Variants in GJB3 observed in about 807,000 individuals in gnomAD.
GJB3 encodes the protein gap junction beta-3 protein.
Under a neutral mutation model 8.1 loss-of-function variants are expected in GJB3, and 6 were observed. The observed-to-expected ratio is 0.75, with a 90% CI of 0.41 to 1.47. The LOEUF (loss-of-function observed/expected upper bound fraction) is 1.47. Among genes scored for constraint, GJB3 ranks in the 40% most tolerant of loss-of-function variants. The probability of loss-of-function intolerance (pLI) is 0.02; values close to 1 mark genes in which losing one functional copy is unlikely to be tolerated. For synonymous variants in GJB3, 137 were observed against 156.4 expected (o/e 0.88, Z 0.93); for missense variants, 348 against 365.6 (o/e 0.95, Z 0.39).
Position 34,785,555 on chromosome 1 carries a change from C to T in GJB3, c.793C>T (p.Pro265Ser), listed in dbSNP as rs1445377383. Residue 265 changes from proline (P) to serine (S), a missense_variant, in exon 2 of 2, where the codon CCC (proline) becomes TCC (serine). Physicochemically the swap from Pro to Ser is moderately conservative, Grantham distance 74. Transcript: ENST00000373366. The surrounding 1 kb of genome is among the most constrained non-coding windows in gnomAD (Gnocchi z 4.7). ...CAATAACAAGCTGCAGGCTTCAGCA[C>T]CCAACCTGACCCCCATCTGACCACA... ...PGNNKLQASA[P>S]NLTPI The T allele has an allele frequency of 6.2e-6, 10 of 1,613,990 alleles. No individual in the cohort carries two copies. The highest frequency in any genetic ancestry group is 5.0e-5 in the Admixed American group (3 of 60,022).
At position 34,781,854 on chromosome 1, in the gene GJB3, G is replaced by T. The variant is rs891005269; in HGVS notation, c.-26+76G>T. ...CAAGCGCTCCTGGCGACCCCCTGCG[G>T]CAGGGCTGGGGCTTGAGCCTGCCAG... On this transcript the variant is annotated intron_variant, in intron 1 of 1. Transcript: ENST00000373366. This position sits in a 1 kb window ranked among gnomAD's most constrained non-coding sequence, Gnocchi z 6.2. 6.6e-6 allele frequency: 1 copy of T among 152,416 alleles called. No homozygotes were observed. The highest frequency in any genetic ancestry group is 2.1e-4 in the South Asian group (1 of 4,846). 9.4% of individuals were successfully genotyped at this position (152,416 alleles called of 1,614,324 possible).
At chr1:34,783,227 G>A (rs1450458822) in intron 1 of GJB3, among the ~76,000 whole-genome samples, 5 of 151,390 alleles carry the variant, frequency 3.3e-5, no homozygotes, top group Non-Finnish European at 5.9e-5. Flanking sequence ...CAGCCTGGGC[G>A]ACACAGCAAG....
rs1237178412 is a variant in GJB3, at chr1:34,785,592, G to A, written c.*17G>A. The A allele has an allele frequency of 6.2e-7, 1 of 1,606,648 alleles. No individual in the cohort carries two copies. The highest frequency in any genetic ancestry group is 8.5e-7 in the Non-Finnish European group (1 of 1,173,758). Reference sequence around the variant, plus strand: ...CCCATCTGACCACAGGGCAGGGGTGGGGCAACATGCGGGCTGCCAATGGGA... The same window carrying A: ...CCCATCTGACCACAGGGCAGGGGTGAGGCAACATGCGGGCTGCCAATGGGA... On this transcript the variant is annotated 3_prime_UTR_variant, in exon 2 of 2. Coordinates refer to ENST00000373366, the MANE Select transcript of GJB3 (RefSeq NM_024009.3). This position sits in a 1 kb window ranked among gnomAD's most constrained non-coding sequence, Gnocchi z 4.7.
intron 1 of GJB3, among the ~76,000 whole-genome samples, chr1:34,783,247 C>CA (rs113744247): frequency 0.023 from 3,138 of 138,574 alleles, 79 homozygotes; most frequent in East Asian, 0.13. Flanking sequence ...GGCCTTGGCT[C>CA]AAAAAAAAAA....
chr1:34,785,926 G>A lies in GJB3; in HGVS notation c.*351G>A, dbSNP rs1034596850. ...AGAGGCTTCCCTGAGGACATAATGTGTAAGAGAGGTGAGAAGTGCTCCCAA... is the reference window on the plus strand; with the variant it reads ...AGAGGCTTCCCTGAGGACATAATGTATAAGAGAGGTGAGAAGTGCTCCCAA... On this transcript the variant is annotated 3_prime_UTR_variant, in exon 2 of 2. Transcript: ENST00000373366. The surrounding 1 kb of genome is among the most constrained non-coding windows in gnomAD (Gnocchi z 4.7). The A allele has an allele frequency of 2.6e-5, 9 of 339,640 alleles. No homozygotes were observed. Among genetic ancestry groups the A allele is most frequent in the Non-Finnish European group, 5.2e-5 (9 of 172,254 alleles). 21.0% of individuals were successfully genotyped at this position (339,640 alleles called of 1,614,324 possible).
rs1475433818 is a variant in GJB3, at chr1:34,781,414, T to A, written c.-390T>A. On this transcript the variant is annotated 5_prime_UTR_variant, in exon 1 of 2. Coordinates refer to ENST00000373366, the MANE Select transcript of GJB3 (RefSeq NM_024009.3). This position sits in a 1 kb window ranked among gnomAD's most constrained non-coding sequence, Gnocchi z 6.2. The stretch of plus-strand genomic sequence containing the variant: ...AGCGGGCACGGTACTCGCGGCAAAC[T>A]AGCGTGGGCGAGTCCTGATTGCAGT... 6.6e-6 allele frequency: 1 copy of A among 152,172 alleles called. No individual in the cohort carries two copies. The highest frequency in any genetic ancestry group is 1.9e-4 in the East Asian group (1 of 5,174). 9.4% of individuals were successfully genotyped at this position (152,172 alleles called of 1,614,324 possible).
At chr1:34,782,270 G>A (rs1640023158) in intron 1 of GJB3, 1 of 152,168 alleles carries the variant, frequency 6.6e-6, no homozygotes, top group Admixed American at 6.5e-5. Context: ...TGTCAGGAGG[G>A]ACTGGGCAGA....
Position 34,785,483 on chromosome 1 carries a change from T to C in GJB3, c.721T>C (p.Cys241Arg), listed in dbSNP as rs766455792. The C allele has an allele frequency of 6.2e-7, 1 of 1,613,992 alleles. No individual in the cohort carries two copies. The highest frequency in any genetic ancestry group is 1.7e-5 in the Admixed American group (1 of 60,014). Residue 241 changes from cysteine to arginine, a missense_variant, in exon 2 of 2, where the codon TGC (cysteine) becomes CGC (arginine). Physicochemically the swap from Cys to Arg is radical, Grantham distance 180. Coordinates refer to ENST00000373366, the MANE Select transcript of GJB3 (RefSeq NM_024009.3). This position sits in a 1 kb window ranked among gnomAD's most constrained non-coding sequence, Gnocchi z 4.7. ...SSASRASTCR[C>R]HHKLVEAGEV... ...CGCCAGCCGAGCTTCCACCTGCCGC[T>C]GCCACCACAAGCTGGTGGAGGCTGG...
At chr1:34,782,986 T>C (rs531106702) in intron 1 of GJB3, among the ~76,000 whole-genome samples, 2 of 152,212 alleles carry the variant, frequency 1.3e-5, no homozygotes, top group East Asian at 1.9e-4. Context: ...CAAGACCAAG[T>C]TGACATTCTA....
rs1440005974 is a variant in GJB3, at chr1:34,785,188, GTTCCTC to G, written c.434_439del (p.Phe145_Leu146del). On this transcript the variant is annotated inframe_deletion, in exon 2 of 2. Transcript: ENST00000373366. This position sits in a 1 kb window ranked among gnomAD's most constrained non-coding sequence, Gnocchi z 4.7. Reference sequence around the variant, plus strand: ...GCCTCATCTTCAAGCTCATCATTGAGTTCCTCTTCCTCTACCTGCTGCACACTCTCT... The same window carrying G: ...GCCTCATCTTCAAGCTCATCATTGAGTTCCTCTACCTGCTGCACACTCTCT... 1 of 1,614,154 alleles carries G rather than the reference GTTCCTC, an allele frequency of 6.2e-7. No individual in the cohort carries two copies. The highest frequency in any genetic ancestry group is 8.5e-7 in the Non-Finnish European group (1 of 1,180,030).
At position 34,785,451 on chromosome 1, in the gene GJB3, C is replaced by T. The variant is rs922956306; in HGVS notation, c.689C>T (p.Ser230Leu). 10 of 1,613,722 alleles carry T rather than the reference C, an allele frequency of 6.2e-6. No homozygotes were observed. The highest frequency in any genetic ancestry group is 2.2e-5 in the East Asian group (1 of 44,874). The part of the protein sequence containing the change: ...KDKPRGGCSP[S>L]SSASRASTCR... ...AAGCCTCGAGGGGGTTGCAGCCCCT[C>T]GTCCTCCGCCAGCCGAGCTTCCACC... Residue 230 changes from serine (S) to leucine (L), a missense_variant, in exon 2 of 2, where the codon TCG becomes TTG. Transcript: ENST00000373366. This position sits in a 1 kb window ranked among gnomAD's most constrained non-coding sequence, Gnocchi z 4.7.
chr1:34,785,203 C>T lies in GJB3; in HGVS notation c.441C>T (p.Tyr147=), dbSNP rs1487407991. ...TCATCATTGAGTTCCTCTTCCTCTA[C>T]CTGCTGCACACTCTCTGGCATGGCT... is the stretch of plus-strand genomic sequence containing the variant. ...FKLIIEFLFL[Y]LLHTLWHGFN... The change falls in exon 2 of 2, where the codon TAC becomes TAT. Residue 147 remains tyrosine (Y), a synonymous_variant. Coordinates refer to ENST00000373366, the MANE Select transcript of GJB3 (RefSeq NM_024009.3). The surrounding 1 kb of genome is among the most constrained non-coding windows in gnomAD (Gnocchi z 4.7). The T allele has an allele frequency of 2.5e-6, 4 of 1,614,074 alleles. No individual in the cohort carries two copies. Among genetic ancestry groups the T allele is most frequent in the Non-Finnish European group, 3.4e-6 (4 of 1,180,044 alleles).
chr1:34,783,343 T>G (rs983790388), intron 1 of GJB3, among the ~76,000 whole-genome samples: 2 of 151,976 alleles, frequency 1.3e-5, no homozygotes, highest in African/African-American at 2.4e-5. Context: ...GAGATGAGGT[T>G]TGAGCAGAGG....
intron 1 of GJB3, among the ~76,000 whole-genome samples, chr1:34,783,761 G>C (rs1269491973): frequency 6.6e-6 from 1 of 152,064 alleles, no homozygotes; most frequent in Non-Finnish European, 1.5e-5. Context: ...ACAGAAACAA[G>C]GCACACTCAG....
chr1:34,783,868 C>A (rs1393728638), intron 1 of GJB3, among the ~76,000 whole-genome samples: 1 of 152,170 alleles, frequency 6.6e-6, no homozygotes, highest in African/African-American at 2.4e-5. Flanking sequence ...CACCACAAGG[C>A]CCTGGCAACT....
chr1:34,786,362 A>T lies in GJB3; in HGVS notation c.*787A>T, dbSNP rs1640117782. On this transcript the variant is annotated 3_prime_UTR_variant, in exon 2 of 2. Transcript: ENST00000373366. This position sits in a 1 kb window ranked among gnomAD's most constrained non-coding sequence, Gnocchi z 4.4. Reference sequence around the variant, plus strand: ...TTGAAATCAATAAATACTGTGTTTTATACAGGTTGGCTCTGTCTCTGGTTC... The same window carrying T: ...TTGAAATCAATAAATACTGTGTTTTTTACAGGTTGGCTCTGTCTCTGGTTC... The T allele has an allele frequency of 6.0e-6, 1 of 167,188 alleles. No homozygotes were observed. Among genetic ancestry groups the T allele is most frequent in the African/African-American group, 2.4e-5 (1 of 41,452 alleles). The allele number at this position is 167,188 out of a possible 1,614,324, so 10.4% of individuals were successfully genotyped here.
In GJB3 at chr1:34,781,379, C is replaced by G. The variant is rs1640005498; in HGVS notation, c.-425C>G. On this transcript the variant is annotated 5_prime_UTR_variant, in exon 1 of 2. Coordinates refer to ENST00000373366, the MANE Select transcript of GJB3 (RefSeq NM_024009.3). The surrounding 1 kb of genome is among the most constrained non-coding windows in gnomAD (Gnocchi z 6.2). Reference sequence around the variant, plus strand: ...GGTCCCGCGCCAAGCGGGGACCGGGCTGGGCCGGAAGCGGGCACGGTACTC... The same window carrying G: ...GGTCCCGCGCCAAGCGGGGACCGGGGTGGGCCGGAAGCGGGCACGGTACTC... 6.6e-6 allele frequency: 1 copy of G among 152,246 alleles called. No individual in the cohort carries two copies. 9.4% of individuals were successfully genotyped at this position (152,246 alleles called of 1,614,324 possible). A position where few individuals can be genotyped will look rare whatever the true frequency, so the allele number is the denominator to read the frequency against.
Position 34,784,933 on chromosome 1 carries a change from G to A in GJB3, c.171G>A (p.Gln57=). The A allele has an allele frequency of 6.2e-7, 1 of 1,614,192 alleles. No homozygotes were observed. The highest frequency in any genetic ancestry group is 1.7e-5 in the Admixed American group (1 of 60,024). The change falls in exon 2 of 2, where the codon CAG becomes CAA. Residue 57 remains glutamine, a synonymous_variant. Coordinates refer to ENST00000373366, the MANE Select transcript of GJB3 (RefSeq NM_024009.3). Reference sequence around the variant, plus strand: ...AGGACTTTGACTGCAACACCAAGCAGCCCGGCTGCACCAACGTCTGCTACG... The same window carrying A: ...AGGACTTTGACTGCAACACCAAGCAACCCGGCTGCACCAACGTCTGCTACG... ...EQKDFDCNTK[Q]PGCTNVCYDN... is the part of the protein sequence containing the mutation.
chr1:34,785,801 C>T lies in GJB3; in HGVS notation c.*226C>T, dbSNP rs1640106014. On this transcript the variant is annotated 3_prime_UTR_variant, in exon 2 of 2. Coordinates refer to ENST00000373366, the MANE Select transcript of GJB3 (RefSeq NM_024009.3). This position sits in a 1 kb window ranked among gnomAD's most constrained non-coding sequence, Gnocchi z 4.7. ...CCCTCAAAGGACATAGACTTTGAAA[C>T]AAGCGAATTAACTATCTACGCTGCC... 1 of 601,290 alleles carries T rather than the reference C, an allele frequency of 1.7e-6. No individual in the cohort carries two copies. The highest frequency in any genetic ancestry group is 3.0e-6 in the Non-Finnish European group (1 of 328,406). 37.2% of individuals were successfully genotyped at this position (601,290 alleles called of 1,614,324 possible). A position where few individuals can be genotyped will look rare whatever the true frequency, so the allele number is the denominator to read the frequency against.
Sources: gnomAD v4.1 joint callset for allele counts (sites outside exome capture counted in the v4.1 genomes callset) on GRCh38, gnomAD v4.1.1 for gene constraint, Gnocchi (gnomAD v3.1) non-coding constraint, MANE v1.5 for transcripts, NCBI Gene and HGNC (gene_info 2026-07-23, HGNC 2026-07-21) for gene names.